Variants in KIRREL3 observed in about 807,000 individuals in gnomAD.
KIRREL3 encodes the protein kin of IRRE-like protein 3.
KIRREL3 carries 36 observed loss-of-function variants against 89.7 expected under a neutral mutation model. The observed-to-expected ratio is 0.40, with a 90% CI of 0.31 to 0.53. The LOEUF (loss-of-function observed/expected upper bound fraction) is 0.53, where lower values mean the gene tolerates loss of function less well. Among genes scored for constraint, KIRREL3 ranks in the 20% least tolerant of loss-of-function variants. KIRREL3 has a pLI of 0.49. For synonymous variants in KIRREL3, 445 were observed against 441.4 expected (o/e 1.01, Z -0.10); for missense variants, 864 against 1,056.6 (o/e 0.82, Z 2.53).
At position 126,946,674 on chromosome 11, in the gene KIRREL3, T is replaced by A. The variant is rs183710025; in HGVS notation, c.55+53781A>T. On this transcript the variant is annotated intron_variant, in intron 1 of 16. Transcript: ENST00000525144. This position sits in a 1 kb window ranked among gnomAD's most constrained non-coding sequence, Gnocchi z 4.1. ...TTACTTCATAATAAGATTAAATGGCTGCAAAAAATTCAATGCTTGGATATC... is the reference window on the plus strand; with the variant it reads ...TTACTTCATAATAAGATTAAATGGCAGCAAAAAATTCAATGCTTGGATATC... Among the ~76,000 whole-genome samples, 5 of 152,330 alleles carry A rather than the reference T, an allele frequency of 3.3e-5. No individual in the cohort carries two copies. Among genetic ancestry groups the A allele is most frequent in the Admixed American group, 3.3e-4 (5 of 15,294 alleles).
chr11:126,488,462 C>G (rs970741369), intron 4 of KIRREL3, among the ~76,000 whole-genome samples: 1 of 152,254 alleles, frequency 6.6e-6, no homozygotes, highest in Non-Finnish European at 1.5e-5. Flanking sequence ...GGTCCGCAGT[C>G]GTGGAGGCAG....
chr11:126,818,256 C>T (rs1001699772), intron 1 of KIRREL3, among the ~76,000 whole-genome samples: 9 of 152,144 alleles, frequency 5.9e-5, no homozygotes, highest in Non-Finnish European at 1.3e-4. Flanking sequence ...CAGCTGTTTG[C>T]AATTGCTTCT....
chr11:126,803,190 G>T (rs994314026), intron 1 of KIRREL3, among the ~76,000 whole-genome samples: 1 of 152,308 alleles, frequency 6.6e-6, no homozygotes, highest in African/African-American at 2.4e-5. Context: ...CAGGCTCATG[G>T]CTCAGGGGAC....
At position 126,771,244 on chromosome 11, in the gene KIRREL3, A is replaced by G. The variant is rs973031923; in HGVS notation, c.56-208332T>C. Among the ~76,000 whole-genome samples the G allele has an allele frequency of 6.7e-6, 1 of 149,770 alleles. No individual in the cohort carries two copies. Among genetic ancestry groups the G allele is most frequent in the Non-Finnish European group, 1.5e-5 (1 of 67,674 alleles). On this transcript the variant is annotated intron_variant, in intron 1 of 16. Transcript: ENST00000525144. This position sits in a 1 kb window ranked among gnomAD's most constrained non-coding sequence, Gnocchi z 4.4. ...ATAGCCTGGCAAGGAAGGGAATTTT[A>G]TTCCCTTACTGTTTTTTTTTTTAAA...
chr11:126,544,145 A>C lies in KIRREL3; in HGVS notation c.134-17458T>G, dbSNP rs911520406. On this transcript the variant is annotated intron_variant, in intron 2 of 16. Coordinates refer to ENST00000525144, the MANE Select transcript of KIRREL3 (RefSeq NM_032531.4). The surrounding 1 kb of genome is among the most constrained non-coding windows in gnomAD (Gnocchi z 5.6). Reference sequence around the variant, plus strand: ...CTCATGGCTTCACTGGAGAGAAGAGAGCAGCTTTCAACCCCCCTCTCCTAA... The same window carrying C: ...CTCATGGCTTCACTGGAGAGAAGAGCGCAGCTTTCAACCCCCCTCTCCTAA... The C allele has an allele frequency of 6.6e-6, 1 of 152,300 alleles. No homozygotes were observed. Among genetic ancestry groups the C allele is most frequent in the South Asian group, 2.1e-4 (1 of 4,818 alleles). 9.4% of individuals were successfully genotyped at this position (152,300 alleles called of 1,614,324 possible).
Position 126,429,030 on chromosome 11 carries a change from T to C in KIRREL3, c.1806+149A>G. On this transcript the variant is annotated intron_variant, in intron 15 of 16. Transcript: ENST00000525144. The surrounding 1 kb of genome is among the most constrained non-coding windows in gnomAD (Gnocchi z 5.2). ...CACACTCACATTTGTTGGCTGAGAG[T>C]GTGTGCCTCACCTATTGTGGGGTGG... 1.6e-6 allele frequency: 1 copy of C among 607,958 alleles called. No homozygotes were observed. Among genetic ancestry groups the C allele is most frequent in the Admixed American group, 2.8e-5 (1 of 35,834 alleles). 37.7% of individuals were successfully genotyped at this position (607,958 alleles called of 1,614,324 possible). A position where few individuals can be genotyped will look rare whatever the true frequency, so the allele number is the denominator to read the frequency against.
intron 1 of KIRREL3, among the ~76,000 whole-genome samples, chr11:126,929,317 G>C (rs542785078): frequency 3.9e-5 from 6 of 152,114 alleles, no homozygotes; most frequent in Non-Finnish European, 7.4e-5. Context: ...TGATCCGAAT[G>C]AAATCCAGAC....
intron 1 of KIRREL3, among the ~76,000 whole-genome samples, chr11:126,972,410 TC>T (rs1426743679): frequency 6.6e-6 from 1 of 152,110 alleles, no homozygotes; most frequent in Admixed American, 6.5e-5. Flanking sequence ...TTTTCCAGCC[TC>T]CCTTGCAGCT....
chr11:126,510,421 TTTCC>T (rs202158249), intron 4 of KIRREL3, among the ~76,000 whole-genome samples: 51,739 of 126,250 alleles, frequency 0.41, 11,553 homozygotes, highest in South Asian at 0.51. Context: ...CCTGACGTTG[TTTCC>T]TTCCTTCCTT....
chr11:126,594,068 A>C lies in KIRREL3; in HGVS notation c.56-31156T>G, dbSNP rs1165076111. Among the ~76,000 whole-genome samples the C allele has an allele frequency of 3.3e-5, 5 of 152,160 alleles. No homozygotes were observed. The highest frequency in any genetic ancestry group is 1.2e-4 in the African/African-American group (5 of 41,444). ...ATTGGGGAAAAGAAATCACATCCCC[A>C]GGCTCCCTTCCCTCTGTCCATTGGC... On this transcript the variant is annotated intron_variant, in intron 1 of 16. Coordinates refer to ENST00000525144, the MANE Select transcript of KIRREL3 (RefSeq NM_032531.4). This position sits in a 1 kb window ranked among gnomAD's most constrained non-coding sequence, Gnocchi z 5.0.
At chr11:126,692,375 C>T (rs185709579) in intron 1 of KIRREL3, among the ~76,000 whole-genome samples, 19 of 151,472 alleles carry the variant, frequency 1.3e-4, no homozygotes, top group East Asian at 1.2e-3. Flanking sequence ...AGAAACCCTG[C>T]GTCTATTAAA....
At chr11:126,945,645 T>G (rs1156312223) in intron 1 of KIRREL3, among the ~76,000 whole-genome samples, 2 of 152,168 alleles carry the variant, frequency 1.3e-5, no homozygotes, top group African/African-American at 4.8e-5. Flanking sequence ...AACAGACAGA[T>G]GTTCCCTCCT....
intron 11 of KIRREL3, 148 bp from the exon 12 acceptor site, chr11:126,437,157 C>T (rs912609153): frequency 1.0e-5 from 7 of 681,454 alleles, no homozygotes; most frequent in Admixed American, 3.3e-5. Flanking sequence ...TGCAGGCACA[C>T]ATGCCACACA....
chr11:126,466,141 C>T (rs537331470), intron 5 of KIRREL3, among the ~76,000 whole-genome samples: 3 of 152,274 alleles, frequency 2.0e-5, no homozygotes, highest in Admixed American at 6.5e-5. Context: ...CTGCACCCAG[C>T]GTGCTCCTCC....
intron 1 of KIRREL3, among the ~76,000 whole-genome samples, chr11:126,799,308 ATGTG>A (rs1246145110): frequency 9.4e-6 from 1 of 106,228 alleles, no homozygotes; most frequent in East Asian, 3.1e-4. Flanking sequence ...ACGTGTGTGC[ATGTG>A]TGTACCTATG....
Position 126,754,770 on chromosome 11 carries a change from C to T in KIRREL3, c.56-191858G>A, listed in dbSNP as rs1949439516. On this transcript the variant is annotated intron_variant, in intron 1 of 16. Transcript: ENST00000525144. This position sits in a 1 kb window ranked among gnomAD's most constrained non-coding sequence, Gnocchi z 5.1. Reference sequence around the variant, plus strand: ...GGTCTACAGGTTGGAAGGATAGAAGCTGATGGTGAATCCAACAGTTTCCTA... The same window carrying T: ...GGTCTACAGGTTGGAAGGATAGAAGTTGATGGTGAATCCAACAGTTTCCTA... Among the ~76,000 whole-genome samples, 1 of 152,158 alleles carries T rather than the reference C, an allele frequency of 6.6e-6. No homozygotes were observed. Among genetic ancestry groups the T allele is most frequent in the Non-Finnish European group, 1.5e-5 (1 of 68,042 alleles).
intron 1 of KIRREL3, among the ~76,000 whole-genome samples, chr11:126,923,390 CTCTTCTT>C (rs986118080): frequency 0.037 from 24 of 656 alleles, no homozygotes; most frequent in South Asian, 0.15. Flanking sequence ...CTTCTTCTTC[CTCTTCTT>C]TCTTCTTCTT....
At chr11:126,716,293 A>T (rs1462942760) in intron 1 of KIRREL3, among the ~76,000 whole-genome samples, 1 of 152,156 alleles carries the variant, frequency 6.6e-6, no homozygotes, top group Non-Finnish European at 1.5e-5. Context: ...ATATGTATGG[A>T]GCACCTGCTA....
At chr11:126,436,097 C>T (rs1955322259) in intron 12 of KIRREL3, among the ~76,000 whole-genome samples, 1 of 152,224 alleles carries the variant, frequency 6.6e-6, no homozygotes, top group Non-Finnish European at 1.5e-5. Flanking sequence ...ATCTGAGCCT[C>T]TTTGACCAGG....
Sources: allele counts gnomAD v4.1 joint callset (sites outside exome capture counted in the v4.1 genomes callset), GRCh38; gene constraint gnomAD v4.1.1; non-coding constraint Gnocchi (gnomAD v3.1); transcripts MANE v1.5; gene names NCBI Gene and HGNC (gene_info 2026-07-23, HGNC 2026-07-21).